The following CYP2C19 variants were observed in gnomAD, a reference collection of about 807,000 sequenced individuals.
CYP2C19 encodes the protein cytochrome P450 2C19.
CYP2C19 carries 59 observed loss-of-function variants against 40.9 expected under a neutral mutation model. That is an observed-to-expected ratio of 1.44 (90% CI 1.17 to 1.79). CYP2C19 has a LOEUF of 1.79. Ranked by LOEUF, CYP2C19 falls within the 40% of genes most tolerant of loss-of-function variation. The pLI, the probability that CYP2C19 is intolerant of heterozygous loss-of-function variation, is 0.00. For missense variants in CYP2C19, 754 were observed against 596.9 expected (o/e 1.26, Z -2.74); for synonymous variants, 253 against 208.7 (o/e 1.21, Z -1.83).
intron 6 of CYP2C19, 53 bp downstream of exon 6, chr10:94,820,690 T>C: frequency 6.2e-7 from 1 of 1,605,620 alleles, no homozygotes; most frequent in Non-Finnish European, 8.5e-7. Context: ...GTTGGGAAGG[T>C]GCTGCTAGTG....
chr10:94,844,979 T>A (rs1849550658), intron 7 of CYP2C19, among the ~76,000 whole-genome samples: 1 of 152,224 alleles, frequency 6.6e-6, no homozygotes, highest in Non-Finnish European at 1.5e-5. Flanking sequence ...CAGCTCATGC[T>A]ATGCCTGGTG....
At chr10:94,774,629 A>C (rs984124522) in intron 1 of CYP2C19, 2 of 180,552 alleles carry the variant, frequency 1.1e-5, no homozygotes, top group Non-Finnish European at 2.3e-5. Context: ...TTAGTTCTTG[A>C]AGCTGGGTAT....
At chr10:94,834,800 C>T (rs1007753268) in intron 6 of CYP2C19, among the ~76,000 whole-genome samples, 6 of 152,160 alleles carry the variant, frequency 3.9e-5, no homozygotes, top group African/African-American at 7.2e-5. Context: ...AGCTAAGTTG[C>T]AAGCCCCGTG....
At chr10:94,847,579 T>A (rs1416812920) in intron 7 of CYP2C19, among the ~76,000 whole-genome samples, 1 of 152,210 alleles carries the variant, frequency 6.6e-6, no homozygotes, top group African/African-American at 2.4e-5. Flanking sequence ...TTATAATCCT[T>A]TGGGTATATA....
chr10:94,843,060 CT>C, intron 7 of CYP2C19, 36 bp downstream of exon 7: 1 of 1,607,082 alleles, frequency 6.2e-7, no homozygotes, highest in South Asian at 1.1e-5. Context: ...ACTCCATGTT[CT>C]TTTATTCCTC....
chr10:94,843,498 G>T (rs145382454), intron 7 of CYP2C19, among the ~76,000 whole-genome samples: 2 of 152,144 alleles, frequency 1.3e-5, no homozygotes, highest in Admixed American at 6.5e-5. Context: ...CAAGTCTTTG[G>T]TTTTTCCTAG....
At chr10:94,808,107 C>T (rs573774627) in intron 5 of CYP2C19, among the ~76,000 whole-genome samples, 1 of 152,096 alleles carries the variant, frequency 6.6e-6, no homozygotes, top group South Asian at 2.1e-4. Flanking sequence ...TTTCCTGTTG[C>T]TATTTAATGA....
At position 94,781,826 on chromosome 10, in the gene CYP2C19, C is replaced by G. The variant is rs576823729; in HGVS notation, c.648C>G (p.Cys216Trp). ...AAATTATTGTTTTCTCTTAGATATG[C>G]AATAATTTTCCCACTATCATTGATT... ...RIVSTPWIQI[C>W]NNFPTIIDYF... The change falls in exon 5 of 9, where the codon TGC becomes TGG. Residue 216 changes from cysteine (C) to tryptophan (W), a missense_variant. Cys to Trp is a radical substitution (Grantham distance 215, BLOSUM62 -2). Coordinates refer to ENST00000371321, the MANE Select transcript of CYP2C19 (RefSeq NM_000769.4). 29 of 1,420,886 alleles carry G rather than the reference C, an allele frequency of 2.0e-5. No individual in the cohort carries two copies. The highest frequency in any genetic ancestry group is 8.7e-5 in the Admixed American group (3 of 34,502). The allele number at this position is 1,420,886 out of a possible 1,614,324, so 88.0% of individuals were successfully genotyped here. A position where few individuals can be genotyped will look rare whatever the true frequency, so the allele number is the denominator to read the frequency against.
intron 5 of CYP2C19, among the ~76,000 whole-genome samples, chr10:94,792,045 T>C (rs577187011): frequency 7.4e-4 from 113 of 152,264 alleles, no homozygotes; most frequent in African/African-American, 2.5e-3. Context: ...ATCTGGGTGC[T>C]CCTGTATTGG....
chr10:94,835,834 G>T lies in CYP2C19; in HGVS notation c.962-7003G>T, dbSNP rs149182864. Reference sequence around the variant, plus strand: ...TGCCCGAGTGAGGGCTATTAGTTCTGCCAGCTGAGCACTAGTTCCTGGTGT... The same window carrying T: ...TGCCCGAGTGAGGGCTATTAGTTCTTCCAGCTGAGCACTAGTTCCTGGTGT... On this transcript the variant is annotated intron_variant, in intron 6 of 8. Coordinates refer to ENST00000371321, the MANE Select transcript of CYP2C19 (RefSeq NM_000769.4). Among the ~76,000 whole-genome samples the T allele has an allele frequency of 5.3e-5, 8 of 152,152 alleles. No individual in the cohort carries two copies. In the East Asian group the frequency reaches 1.5e-3, roughly 29 times the overall value.
At chr10:94,841,367 G>C (rs995131797) in intron 6 of CYP2C19, among the ~76,000 whole-genome samples, 2 of 152,202 alleles carry the variant, frequency 1.3e-5, no homozygotes, top group African/African-American at 4.8e-5. Context: ...TGGAGGGATG[G>C]AAGTCTGCAG....
At chr10:94,809,671 T>C (rs1291922824) in intron 5 of CYP2C19, among the ~76,000 whole-genome samples, 2 of 152,090 alleles carry the variant, frequency 1.3e-5, no homozygotes, top group Non-Finnish European at 2.9e-5. Context: ...GCTTCCATTT[T>C]TGCCCATTCA....
chr10:94,795,453 G>C (rs138446442), intron 5 of CYP2C19, among the ~76,000 whole-genome samples: 1 of 151,998 alleles, frequency 6.6e-6, no homozygotes, highest in African/African-American at 2.4e-5. Context: ...GAATAGTGCC[G>C]CAATAAATGT....
chr10:94,806,151 A>G (rs1423243077), intron 5 of CYP2C19, among the ~76,000 whole-genome samples: 2 of 151,796 alleles, frequency 1.3e-5, no homozygotes, highest in African/African-American at 4.8e-5. Context: ...ATCATTACAT[A>G]TTTGCCCTTT....
chr10:94,784,190 G>A (rs547008423), intron 5 of CYP2C19, among the ~76,000 whole-genome samples: 1 of 152,172 alleles, frequency 6.6e-6, no homozygotes, highest in Admixed American at 6.5e-5. Flanking sequence ...CACTTACAAT[G>A]TTTTGGAGGC....
chr10:94,802,088 C>T (rs912133849), intron 5 of CYP2C19, among the ~76,000 whole-genome samples: 1 of 152,002 alleles, frequency 6.6e-6, no homozygotes, highest in Non-Finnish European at 1.5e-5. Flanking sequence ...GTCCATTTTA[C>T]CGAGTGCTGA....
intron 7 of CYP2C19, 22 bp from the exon 8 acceptor site, chr10:94,849,895 C>T (rs1849625977): frequency 1.2e-6 from 2 of 1,613,332 alleles, no homozygotes; most frequent in Non-Finnish European, 8.5e-7. Flanking sequence ...CAGCTCAGTT[C>T]ACCTATGTCT....
rs1312607856 is a variant in CYP2C19, at chr10:94,820,562, G to A, written c.886G>A (p.Gly296Arg). The change falls in exon 6 of 9, where the codon GGA becomes AGA. Residue 296 changes from glycine (G) to arginine (R), a missense_variant. Coordinates refer to ENST00000371321, the MANE Select transcript of CYP2C19 (RefSeq NM_000769.4). ...NLVITAADLL[G>R]AGTETTSTTL... ...GGTAATCACTGCAGCTGACTTACTT[G>A]GAGCTGGGACAGAGACAACAAGCAC... The A allele has an allele frequency of 6.2e-7, 1 of 1,614,166 alleles. No individual in the cohort carries two copies. Among genetic ancestry groups the A allele is most frequent in the East Asian group, 2.2e-5 (1 of 44,876 alleles).
chr10:94,771,756 C>G (rs1459467096), intron 1 of CYP2C19, among the ~76,000 whole-genome samples: 1 of 152,132 alleles, frequency 6.6e-6, no homozygotes, highest in Non-Finnish European at 1.5e-5. Flanking sequence ...AATAGTTGCA[C>G]TCACTGATGC....
Sources: allele counts gnomAD v4.1 joint callset (sites outside exome capture counted in the v4.1 genomes callset), GRCh38; gene constraint gnomAD v4.1.1; transcripts MANE v1.5; gene names NCBI Gene and HGNC (gene_info 2026-07-23, HGNC 2026-07-21).